The following CADM2 variants were observed in gnomAD, a reference collection of about 807,000 sequenced individuals.
The protein encoded by CADM2 is immunoglobulin superfamily member 4D.
In CADM2, 12 loss-of-function variants were observed where a neutral mutation model predicts 49.8. The observed-to-expected ratio is 0.24, with a 90% CI of 0.15 to 0.39. The LOEUF is 0.39. Among genes scored for constraint, CADM2 ranks in the 10% least tolerant of loss-of-function variants. CADM2 has a pLI of 1.00. For synonymous variants in CADM2, 214 were observed against 175.4 expected, an observed-to-expected ratio of 1.22 and a Z score of -1.74; for missense variants, 378 against 492.3, an observed-to-expected ratio of 0.77 and a Z score of 2.20.
intron 1 of CADM2, among the ~76,000 whole-genome samples, chr3:85,058,131 C>T (rs1452309252): frequency 6.6e-6 from 1 of 152,014 alleles, no homozygotes; most frequent in African/African-American, 2.4e-5. Context: ...TGTATGTAAA[C>T]TATGGGAAAA....
chr3:85,483,794 C>T lies in CADM2; in HGVS notation c.62-242728C>T, dbSNP rs200540161. On this transcript the variant is annotated intron_variant, in intron 1 of 9. Coordinates refer to ENST00000383699, the MANE Select transcript of CADM2 (RefSeq NM_001167675.2). ...ATTTTTGAAACTACTGTTATTCTTA[C>T]TTATATATAATTCATATTGTTACTT... Among the ~76,000 whole-genome samples, 115 of 151,252 alleles carry T rather than the reference C, an allele frequency of 7.6e-4. No individual in the cohort carries two copies. In the East Asian group the frequency reaches 0.011, roughly 15 times the overall value.
rs939297211 is a variant in CADM2 at position 86,069,278 on chromosome 3, C to A, written c.*2495C>A. 3 of 151,778 alleles carry A rather than the reference C, an allele frequency of 2.0e-5. 1 individual carries two copies. The highest frequency in any genetic ancestry group is 2.0e-4 in the Admixed American group (3 of 15,216). 9.4% of individuals were successfully genotyped at this position (151,778 alleles called of 1,614,324 possible). Reference sequence around the variant, plus strand: ...TTCATGATTTTTGACTCTTTTAACCCTTCAGAGTAATATAAAATCTCATTA... The same window carrying A: ...TTCATGATTTTTGACTCTTTTAACCATTCAGAGTAATATAAAATCTCATTA... On this transcript the variant is annotated 3_prime_UTR_variant, in exon 10 of 10. Transcript: ENST00000383699.
intron 2 of CADM2, among the ~76,000 whole-genome samples, chr3:85,750,863 T>C (rs963217511): frequency 2.0e-5 from 3 of 152,124 alleles, no homozygotes; most frequent in Non-Finnish European, 4.4e-5. Context: ...TACCGTATGT[T>C]ATAATTTGAC....
At chr3:85,885,468 C>T (rs13068185) in intron 4 of CADM2, among the ~76,000 whole-genome samples, 99,753 of 151,392 alleles carry the variant, frequency 0.66, 33,451 homozygotes, top group African/African-American at 0.77. Context: ...GTCAGGAGTT[C>T]GAGACCAGCC....
At chr3:85,212,183 T>C (rs1415434354) in intron 1 of CADM2, among the ~76,000 whole-genome samples, 1 of 152,172 alleles carries the variant, frequency 6.6e-6, no homozygotes, top group Admixed American at 6.5e-5. Flanking sequence ...AGATAAAGTG[T>C]ATTTCTTGTA....
At chr3:85,163,754 A>T (rs2107672260) in intron 1 of CADM2, among the ~76,000 whole-genome samples, 1 of 152,202 alleles carries the variant, frequency 6.6e-6, no homozygotes, top group Admixed American at 6.5e-5. Context: ...AAGTCATATT[A>T]AAAAACCTTG....
intron 1 of CADM2, among the ~76,000 whole-genome samples, chr3:85,149,051 A>G (rs2039838804): frequency 1.3e-5 from 2 of 152,118 alleles, no homozygotes; most frequent in South Asian, 4.1e-4. Flanking sequence ...TGTGATAAAG[A>G]TAAATTTTTA....
At chr3:85,644,569 G>GC (rs1352368048) in intron 1 of CADM2, among the ~76,000 whole-genome samples, 1 of 152,142 alleles carries the variant, frequency 6.6e-6, no homozygotes, top group Non-Finnish European at 1.5e-5. Flanking sequence ...GAGAGGTACA[G>GC]CAGCAACGTT....
At chr3:85,974,751 G>T (rs1390543135) in intron 8 of CADM2, among the ~76,000 whole-genome samples, 1 of 151,628 alleles carries the variant, frequency 6.6e-6, no homozygotes, top group Non-Finnish European at 1.5e-5. Flanking sequence ...TCACTCACAT[G>T]AATAACTTTT....
At chr3:85,812,788 G>C (rs987893771) in intron 3 of CADM2, among the ~76,000 whole-genome samples, 1 of 152,128 alleles carries the variant, frequency 6.6e-6, no homozygotes, top group African/African-American at 2.4e-5. Context: ...TTATGAGTGA[G>C]AACATGTGGT....
chr3:85,214,337 C>T (rs1173397674), intron 1 of CADM2, among the ~76,000 whole-genome samples: 1 of 152,106 alleles, frequency 6.6e-6, no homozygotes, highest in Admixed American at 6.6e-5. Context: ...AGAGAGGTAA[C>T]ACAGGCACCT....
chr3:85,850,572 C>T (rs1308118244), intron 3 of CADM2, among the ~76,000 whole-genome samples: 1 of 152,010 alleles, frequency 6.6e-6, no homozygotes, highest in Non-Finnish European at 1.5e-5. Context: ...TCCTGATCCG[C>T]CCGCCTCGGC....
intron 3 of CADM2, among the ~76,000 whole-genome samples, chr3:85,830,939 C>G (rs2074156489): frequency 6.6e-6 from 1 of 151,558 alleles, no homozygotes; most frequent in African/African-American, 2.4e-5. Context: ...TCCCATCTCC[C>G]AAGTTGTGAG....
chr3:85,322,258 T>A (rs936192090), intron 1 of CADM2, among the ~76,000 whole-genome samples: 15 of 152,246 alleles, frequency 9.9e-5, no homozygotes, highest in Non-Finnish European at 1.8e-4. Flanking sequence ...TAATTCTTGT[T>A]GTTATCTGTT....
At chr3:85,866,732 T>G (rs1480003286) in intron 3 of CADM2, among the ~76,000 whole-genome samples, 1 of 152,022 alleles carries the variant, frequency 6.6e-6, no homozygotes, top group Non-Finnish European at 1.5e-5. Context: ...GTTCTTCTGG[T>G]TTTTTTCTCC....
At chr3:85,776,900 A>G (rs935671410) in intron 2 of CADM2, among the ~76,000 whole-genome samples, 5 of 152,136 alleles carry the variant, frequency 3.3e-5, no homozygotes, top group African/African-American at 9.7e-5. Context: ...AACAGAATAG[A>G]TGTCTGACAC....
intron 2 of CADM2, among the ~76,000 whole-genome samples, chr3:85,760,303 A>G (rs2107898059): frequency 1.3e-5 from 2 of 151,094 alleles, no homozygotes; most frequent in South Asian, 4.2e-4. Flanking sequence ...TTACTCTGAA[A>G]TTTTTCCCAG....
intron 1 of CADM2, among the ~76,000 whole-genome samples, chr3:85,639,667 A>T (rs1471653371): frequency 1.3e-5 from 2 of 152,120 alleles, no homozygotes; most frequent in Non-Finnish European, 2.9e-5. Flanking sequence ...TTTATTAGTA[A>T]CTTGGATTGA....
chr3:85,211,257 GATATTTT>G (rs1489608679), intron 1 of CADM2, among the ~76,000 whole-genome samples: 1 of 151,754 alleles, frequency 6.6e-6, no homozygotes, highest in Admixed American at 6.6e-5. Flanking sequence ...TTGATTTGCT[GATATTTT>G]GTATAATTTC....
Sources: gnomAD v4.1 joint callset for allele counts (sites outside exome capture counted in the v4.1 genomes callset) on GRCh38, gnomAD v4.1.1 for gene constraint, MANE v1.5 for transcripts, NCBI Gene and HGNC (gene_info 2026-07-23, HGNC 2026-07-21) for gene names.